Variants in ATRNL1 observed in about 807,000 individuals in gnomAD.
ATRNL1 encodes the protein attractin-like protein 1.
In ATRNL1, 95 loss-of-function variants were observed where a neutral mutation model predicts 182.7. That is an observed-to-expected ratio of 0.52 (90% CI 0.44 to 0.62). The LOEUF is 0.62. Ranked by LOEUF, ATRNL1 falls within the 20% of genes least tolerant of loss-of-function variation. The pLI is 0.00. For missense variants in ATRNL1, 1,471 were observed against 1,679.5 expected (o/e 0.88, Z 2.17); for synonymous variants, 576 against 568.3 (o/e 1.01, Z -0.19).
chr10:115,583,214 G>A (rs370465127), intron 26 of ATRNL1, among the ~76,000 whole-genome samples: 1 of 144,834 alleles, frequency 6.9e-6, no homozygotes, highest in Non-Finnish European at 1.5e-5. Flanking sequence ...GCTTAGGATT[G>A]ACTTGGCGAT....
chr10:115,454,940 A>G (rs1389257062), intron 21 of ATRNL1, among the ~76,000 whole-genome samples: 2 of 152,100 alleles, frequency 1.3e-5, no homozygotes, highest in Non-Finnish European at 2.9e-5. Flanking sequence ...TGTCTTGAAT[A>G]GAAATGGTGA....
intron 20 of ATRNL1, among the ~76,000 whole-genome samples, chr10:115,397,357 T>A (rs1844339464): frequency 6.6e-6 from 1 of 151,992 alleles, no homozygotes; most frequent in South Asian, 2.1e-4. Context: ...TCTGTTTGGT[T>A]TTAAGTATTT....
At chr10:115,439,351 T>G (rs1554965294) in intron 21 of ATRNL1, among the ~76,000 whole-genome samples, 1 of 151,940 alleles carries the variant, frequency 6.6e-6, no homozygotes, top group Non-Finnish European at 1.5e-5. Flanking sequence ...ATACATCATG[T>G]GAAAAACATG....
intron 26 of ATRNL1, among the ~76,000 whole-genome samples, chr10:115,616,218 A>C (rs1211620883): frequency 1.3e-5 from 2 of 152,282 alleles, no homozygotes; most frequent in East Asian, 3.9e-4. Context: ...TGATCTGTGG[A>C]ACTTTGAACT....
chr10:115,698,545 C>T (rs1016313766), intron 26 of ATRNL1, among the ~76,000 whole-genome samples: 1 of 151,964 alleles, frequency 6.6e-6, no homozygotes, highest in Non-Finnish European at 1.5e-5. Flanking sequence ...TTTGGGAGTC[C>T]GAGGCAGGCA....
At chr10:115,445,650 G>C (rs1328940653) in intron 21 of ATRNL1, among the ~76,000 whole-genome samples, 3 of 151,654 alleles carry the variant, frequency 2.0e-5, no homozygotes, top group African/African-American at 7.3e-5. Context: ...CCATTTTAAA[G>C]TGTACAATTC....
chr10:115,593,046 C>A (rs1299569320), intron 26 of ATRNL1, among the ~76,000 whole-genome samples: 1 of 152,106 alleles, frequency 6.6e-6, no homozygotes, highest in Non-Finnish European at 1.5e-5. Flanking sequence ...AGTTCTGGAG[C>A]CTGAAAAGTT....
chr10:115,151,280 C>G (rs1846214604), intron 5 of ATRNL1, among the ~76,000 whole-genome samples: 1 of 152,146 alleles, frequency 6.6e-6, no homozygotes, highest in African/African-American at 2.4e-5. Context: ...AGTTCTAGAT[C>G]CTTGAGGGAT....
In ATRNL1 at chr10:115,342,297, T is replaced by A. The variant is rs531030165; in HGVS notation, c.3175+7878T>A. On this transcript the variant is annotated intron_variant, in intron 19 of 28. Coordinates refer to ENST00000355044, the MANE Select transcript of ATRNL1 (RefSeq NM_207303.4). ...TCCTGTCTTCCTTTAGTGAAGGCCT[T>A]TTTTTTCCTGGTGATATGATATAGT... Among the ~76,000 whole-genome samples the A allele has an allele frequency of 7.2e-5, 11 of 152,024 alleles. 1 individual carries two copies. The South Asian group carries it at 2.3e-3, about 32-fold the overall frequency.
chr10:115,612,751 A>G (rs557760590), intron 26 of ATRNL1, among the ~76,000 whole-genome samples: 13 of 152,284 alleles, frequency 8.5e-5, no homozygotes, highest in Admixed American at 3.3e-4. Context: ...GTTCTTTGTA[A>G]TAGTTCTTAT....
chr10:115,936,962 T>C (rs1452023390), intron 28 of ATRNL1, among the ~76,000 whole-genome samples: 1 of 152,204 alleles, frequency 6.6e-6, no homozygotes, highest in Non-Finnish European at 1.5e-5. Context: ...CCGAAATCAG[T>C]GGCAACAAAA....
At chr10:115,858,579 C>T (rs1477566498) in intron 28 of ATRNL1, among the ~76,000 whole-genome samples, 1 of 152,112 alleles carries the variant, frequency 6.6e-6, no homozygotes, top group Non-Finnish European at 1.5e-5. Context: ...GGAAAAATAG[C>T]TAATGCATGC....
chr10:115,848,412 G>A (rs542012133), intron 28 of ATRNL1, among the ~76,000 whole-genome samples: 63 of 152,238 alleles, frequency 4.1e-4, no homozygotes, highest in African/African-American at 1.5e-3. Flanking sequence ...ACCAAACTAG[G>A]GAACGTGTAT....
At chr10:115,503,417 G>C (rs1461638508) in intron 24 of ATRNL1, among the ~76,000 whole-genome samples, 2 of 152,006 alleles carry the variant, frequency 1.3e-5, no homozygotes, top group African/African-American at 4.8e-5. Flanking sequence ...AATTATATGA[G>C]CTGAAAATGT....
At chr10:115,730,524 AT>A in intron 27 of ATRNL1, among the ~76,000 whole-genome samples, 1 of 151,686 alleles carries the variant, frequency 6.6e-6, no homozygotes, top group East Asian at 1.9e-4. Flanking sequence ...GTGTTCATAC[AT>A]TTTTCTCCAA....
chr10:115,308,831 A>G (rs1264176557), intron 17 of ATRNL1, among the ~76,000 whole-genome samples: 2 of 152,086 alleles, frequency 1.3e-5, no homozygotes, highest in Non-Finnish European at 2.9e-5. Flanking sequence ...TAAATTGCTT[A>G]TGCCAATGTC....
intron 7 of ATRNL1, among the ~76,000 whole-genome samples, chr10:115,168,047 G>C (rs1554884735): frequency 6.6e-6 from 1 of 151,950 alleles, no homozygotes; most frequent in Non-Finnish European, 1.5e-5. Context: ...CTATATATTG[G>C]TCCATGCTGG....
At chr10:115,754,255 C>G (rs1375269939) in intron 27 of ATRNL1, among the ~76,000 whole-genome samples, 3 of 151,938 alleles carry the variant, frequency 2.0e-5, no homozygotes, top group African/African-American at 7.2e-5. Flanking sequence ...CCCATGCCTA[C>G]ATCCTGAATG....
intron 10 of ATRNL1, among the ~76,000 whole-genome samples, chr10:115,257,303 T>TG (rs1339548984): frequency 2.0e-5 from 3 of 152,326 alleles, no homozygotes; most frequent in African/African-American, 7.2e-5. Flanking sequence ...TTTATCAGTC[T>TG]GGGTGCTCCT....
Sources: gnomAD v4.1 joint callset for allele counts (sites outside exome capture counted in the v4.1 genomes callset) on GRCh38, gnomAD v4.1.1 for gene constraint, MANE v1.5 for transcripts, NCBI Gene and HGNC (gene_info 2026-07-23, HGNC 2026-07-21) for gene names.